The following RFX3 variants were observed in gnomAD, a reference collection of about 807,000 sequenced individuals.
RFX3 encodes transcription factor RFX3.
A neutral mutation model predicts 98.6 loss-of-function variants in RFX3; 14 were observed. The observed-to-expected ratio is 0.14, with a 90% CI of 0.09 to 0.22. RFX3 has a LOEUF of 0.22. Ranked by LOEUF, RFX3 falls within the 10% of genes least tolerant of loss-of-function variation. RFX3 has a pLI of 1.00. For synonymous variants in RFX3, 383 were observed against 328.4 expected (o/e 1.17, Z -1.80); for missense variants, 639 against 926.9 (o/e 0.69, Z 4.03).
intron 1 of RFX3, among the ~76,000 whole-genome samples, chr9:3,406,336 CT>C (rs1841970489): frequency 6.6e-6 from 1 of 151,836 alleles, no homozygotes; most frequent in Non-Finnish European, 1.5e-5. Context: ...CTAATCTTCA[CT>C]TTGTCTTTCA....
intron 14 of RFX3, among the ~76,000 whole-genome samples, chr9:3,251,328 A>T (rs1450710411): frequency 6.6e-6 from 1 of 152,054 alleles, no homozygotes; most frequent in Non-Finnish European, 1.5e-5. Flanking sequence ...TATTTCCTAG[A>T]TTATCTTTTT....
At chr9:3,473,189 T>C (rs916685428) in intron 1 of RFX3, among the ~76,000 whole-genome samples, 1 of 152,208 alleles carries the variant, frequency 6.6e-6, no homozygotes, top group African/African-American at 2.4e-5. Context: ...CAAATCAAAG[T>C]AGGCACTATA....
intron 1 of RFX3, among the ~76,000 whole-genome samples, chr9:3,475,700 G>C (rs1849184312): frequency 6.6e-6 from 1 of 152,206 alleles, no homozygotes. Context: ...AGGTGTACAG[G>C]ATGGAACATG....
intron 4 of RFX3, among the ~76,000 whole-genome samples, chr9:3,319,162 C>A (rs1563919617): frequency 6.6e-6 from 1 of 152,242 alleles, no homozygotes; most frequent in Non-Finnish European, 1.5e-5. Context: ...TCCGTAATCA[C>A]TAAAACAGGC....
In RFX3 at chr9:3,373,546, G is replaced by A. The variant is rs147881278; in HGVS notation, c.117+21926C>T. ...ATTTCCCTGGGCCTCAGTTTCCTCA[G>A]CCTTAAAATAAGAAAGTCAAAGAGA... On this transcript the variant is annotated intron_variant, in intron 2 of 16. Coordinates refer to ENST00000617270, the MANE Select transcript of RFX3 (RefSeq NM_001282116.2). 3.3e-3 allele frequency among the ~76,000 whole-genome samples: 502 copies of A among 152,188 alleles called. 3 individuals carry two copies. Among genetic ancestry groups the A allele is most frequent in the African/African-American group, 0.012 (479 of 41,530 alleles).
At chr9:3,245,005 T>C (rs1820461085) in intron 15 of RFX3, among the ~76,000 whole-genome samples, 1 of 152,240 alleles carries the variant, frequency 6.6e-6, no homozygotes, top group Non-Finnish European at 1.5e-5. Flanking sequence ...CAACATGATT[T>C]GCCCAAGATT....
intron 3 of RFX3, 50 bp from the exon 4 acceptor site, chr9:3,330,567 T>A: frequency 1.3e-6 from 2 of 1,519,526 alleles, no homozygotes; most frequent in Non-Finnish European, 1.8e-6. Context: ...TATGTCATCT[T>A]ATTAATTTTT....
intron 2 of RFX3, among the ~76,000 whole-genome samples, chr9:3,389,261 G>A (rs1840037580): frequency 6.6e-6 from 1 of 152,032 alleles, no homozygotes; most frequent in South Asian, 2.1e-4. Flanking sequence ...CCTAGGTTGA[G>A]GCATAAAATG....
chr9:3,310,114 C>A (rs2130421958), intron 4 of RFX3, among the ~76,000 whole-genome samples: 1 of 152,282 alleles, frequency 6.6e-6, no homozygotes, highest in Admixed American at 6.5e-5. Context: ...TCGAGACTGG[C>A]TGGAGCACAG....
chr9:3,464,932 T>G (rs1158420955), intron 1 of RFX3, among the ~76,000 whole-genome samples: 2 of 152,080 alleles, frequency 1.3e-5, no homozygotes, highest in Non-Finnish European at 2.9e-5. Flanking sequence ...AATTCAAAAG[T>G]TATCGGTGGA....
intron 4 of RFX3, among the ~76,000 whole-genome samples, chr9:3,326,220 G>C (rs1343410677): frequency 1.3e-5 from 2 of 152,114 alleles, no homozygotes; most frequent in Non-Finnish European, 2.9e-5. Flanking sequence ...AAAGGAAACA[G>C]TAAATCAAAG....
At chr9:3,493,937 T>C (rs192625315) in intron 1 of RFX3, among the ~76,000 whole-genome samples, 78 of 152,014 alleles carry the variant, frequency 5.1e-4, no homozygotes, top group Admixed American at 2.9e-3. Flanking sequence ...TTAAGATCCA[T>C]GTCCTGCTTT....
At position 3,397,147 on chromosome 9, in the gene RFX3, T is replaced by C. The variant is rs553265548; in HGVS notation, c.-8-1551A>G. Reference sequence around the variant, plus strand: ...ATTAAACATGCCACGTTTCTCAGTTTTGCCTGACCTGCCATTGTTTACTCT... The same window carrying C: ...ATTAAACATGCCACGTTTCTCAGTTCTGCCTGACCTGCCATTGTTTACTCT... On this transcript the variant is annotated intron_variant, in intron 1 of 16. Transcript: ENST00000617270. Among the ~76,000 whole-genome samples, 4 of 152,352 alleles carry C rather than the reference T, an allele frequency of 2.6e-5. No homozygotes were observed. The East Asian group carries it at 7.7e-4, about 29-fold the overall frequency.
chr9:3,274,917 TATAC>T (rs1354278901), intron 9 of RFX3, among the ~76,000 whole-genome samples: 2 of 151,998 alleles, frequency 1.3e-5, no homozygotes, highest in Non-Finnish European at 2.9e-5. Context: ...AACATACATA[TATAC>T]ACATACATAA....
At chr9:3,456,794 A>T (rs1343675364) in intron 1 of RFX3, among the ~76,000 whole-genome samples, 1 of 152,178 alleles carries the variant, frequency 6.6e-6, no homozygotes, top group Non-Finnish European at 1.5e-5. Flanking sequence ...TAGGAAGCCC[A>T]TGTGGTCCCT....
chr9:3,266,465 T>C (rs1823642979), intron 11 of RFX3, among the ~76,000 whole-genome samples, 160 bp from the exon 12 acceptor site: 1 of 152,116 alleles, frequency 6.6e-6, no homozygotes, highest in South Asian at 2.1e-4. Context: ...CCTAACTTTT[T>C]AAAGCATCCA....
intron 1 of RFX3, among the ~76,000 whole-genome samples, chr9:3,453,046 T>C (rs1185317736): frequency 6.6e-6 from 1 of 152,180 alleles, no homozygotes; most frequent in African/African-American, 2.4e-5. Context: ...AGCTTCTTCA[T>C]CTGCAAAACT....
chr9:3,452,623 C>G (rs1335329176), intron 1 of RFX3, among the ~76,000 whole-genome samples: 2 of 152,022 alleles, frequency 1.3e-5, no homozygotes, highest in African/African-American at 4.8e-5. Flanking sequence ...GAAGAATAAC[C>G]ACAATTTAGA....
At position 3,300,591 on chromosome 9, in the gene RFX3, G is replaced by T. The variant is rs191015681; in HGVS notation, c.549+955C>A. 9.2e-5 allele frequency among the ~76,000 whole-genome samples: 14 copies of T among 151,840 alleles called. No homozygotes were observed. The East Asian group carries it at 2.7e-3, about 29-fold the overall frequency. ...GGGTGATCCAATATCGAGCTTTTCA[G>T]TTATAAAATATGAAAAAGAAATAAG... On this transcript the variant is annotated intron_variant, in intron 5 of 16. Coordinates refer to ENST00000617270, the MANE Select transcript of RFX3 (RefSeq NM_001282116.2).
Sources: gnomAD v4.1 joint callset for allele counts (sites outside exome capture counted in the v4.1 genomes callset) on GRCh38, gnomAD v4.1.1 for gene constraint, MANE v1.5 for transcripts, NCBI Gene and HGNC (gene_info 2026-07-23, HGNC 2026-07-21) for gene names.